MAML2: variants seen among roughly 807,000 people sequenced by gnomAD.
MAML2 encodes the protein mastermind like transcriptional coactivator 2.
In MAML2, 22 loss-of-function variants were observed where a neutral mutation model predicts 96.1. The ratio of observed to expected loss-of-function variants is 0.23; its 90% CI spans 0.16 to 0.33. The LOEUF (loss-of-function observed/expected upper bound fraction) is 0.33. MAML2 is among the 10% of genes least tolerant of loss of function. The pLI is 1.00. For missense variants in MAML2, 1,367 were observed against 1,392.4 expected, an observed-to-expected ratio of 0.98 and a Z score of 0.29; for synonymous variants, 561 against 521.3, an observed-to-expected ratio of 1.08 and a Z score of -1.04.
Position 96,233,019 on chromosome 11 carries a change from GAGA to G in MAML2, c.513+108361_513+108363del, listed in dbSNP as rs558445935. On this transcript the variant is annotated intron_variant, in intron 1 of 4. Coordinates refer to ENST00000524717, the MANE Select transcript of MAML2 (RefSeq NM_032427.4). The stretch of plus-strand genomic sequence containing the variant: ...ATATCCTATCATGTGTCTAGTTTGA[GAGA>G]AGGATATTAACACTCTAATTATTTG... 9.4e-4 allele frequency among the ~76,000 whole-genome samples: 143 copies of G among 152,348 alleles called. 2 individuals are homozygous for G. Among genetic ancestry groups the G allele is most frequent in the Admixed American group, 5.6e-3 (85 of 15,308 alleles).
chr11:95,986,462 A>T (rs1262642815), intron 3 of MAML2, among the ~76,000 whole-genome samples: 4 of 152,046 alleles, frequency 2.6e-5, no homozygotes, highest in Middle Eastern at 6.8e-3. Flanking sequence ...AGCCTCCCAG[A>T]GTGCTGGGAT....
intron 1 of MAML2, among the ~76,000 whole-genome samples, chr11:96,178,502 G>C (rs1861429601): frequency 1.3e-5 from 2 of 152,160 alleles, no homozygotes; most frequent in African/African-American, 4.8e-5. Context: ...TAGGTCACCA[G>C]CCACAGAGAA....
At chr11:96,023,688 T>C (rs577278951) in intron 2 of MAML2, among the ~76,000 whole-genome samples, 2 of 152,294 alleles carry the variant, frequency 1.3e-5, no homozygotes, top group African/African-American at 4.8e-5. Context: ...AGGGTGGCCA[T>C]TGATCACAAG....
At chr11:96,030,669 GT>G (rs566455188) in intron 2 of MAML2, among the ~76,000 whole-genome samples, 173 of 152,260 alleles carry the variant, frequency 1.1e-3, no homozygotes, top group African/African-American at 3.9e-3. Flanking sequence ...GATCATTCAG[GT>G]TTTACTGAGT....
At chr11:96,155,550 A>ATATG (rs1860999536) in intron 1 of MAML2, among the ~76,000 whole-genome samples, 1 of 128,322 alleles carries the variant, frequency 7.8e-6, no homozygotes, top group South Asian at 2.5e-4. Context: ...ATATATATAT[A>ATATG]TGAGGAAAGT....
At chr11:96,283,256 T>C (rs1863095571) in intron 1 of MAML2, among the ~76,000 whole-genome samples, 1 of 152,220 alleles carries the variant, frequency 6.6e-6, no homozygotes, top group South Asian at 2.1e-4. Context: ...ACACCAAAAA[T>C]GCAATTACAG....
chr11:96,176,049 G>C (rs1861383583), intron 1 of MAML2, among the ~76,000 whole-genome samples: 2 of 152,144 alleles, frequency 1.3e-5, no homozygotes, highest in African/African-American at 2.4e-5. Flanking sequence ...GCAATCACTG[G>C]AATTATCTCC....
intron 1 of MAML2, among the ~76,000 whole-genome samples, chr11:96,108,491 G>T (rs1860062892): frequency 1.3e-5 from 2 of 152,144 alleles, no homozygotes; most frequent in Non-Finnish European, 2.9e-5. Flanking sequence ...TACTAGTAGT[G>T]TGACCTTGGG....
rs181657370 is a variant in MAML2, at chr11:96,193,687, A to T, written c.514-100170T>A. Among the ~76,000 whole-genome samples, 634 of 152,194 alleles carry T rather than the reference A, an allele frequency of 4.2e-3. 12 individuals are homozygous for T. The highest frequency in any genetic ancestry group is 0.027 in the East Asian group (138 of 5,174). On this transcript the variant is annotated intron_variant, in intron 1 of 4. Coordinates refer to ENST00000524717, the MANE Select transcript of MAML2 (RefSeq NM_032427.4). The stretch of plus-strand genomic sequence containing the variant: ...TCTCCCGTGTAACAAAAAAAAAGGA[A>T]TTTTTTCTTTGAAGAGCAAGATGCT...
intron 1 of MAML2, among the ~76,000 whole-genome samples, chr11:96,237,207 T>C (rs1430472399): frequency 6.6e-6 from 1 of 152,206 alleles, no homozygotes; most frequent in Non-Finnish European, 1.5e-5. Flanking sequence ...TCTTGGCCAG[T>C]CAGTATTCTT....
At chr11:96,210,567 C>T (rs537722344) in intron 1 of MAML2, among the ~76,000 whole-genome samples, 2 of 152,286 alleles carry the variant, frequency 1.3e-5, no homozygotes, top group Non-Finnish European at 2.9e-5. Context: ...AGCTCTAAAA[C>T]TTGTTAAGTC....
At chr11:96,255,763 A>T (rs1317490349) in intron 1 of MAML2, among the ~76,000 whole-genome samples, 1 of 152,032 alleles carries the variant, frequency 6.6e-6, no homozygotes, top group Non-Finnish European at 1.5e-5. Context: ...GACAGAAAGA[A>T]CCTGGATCTG....
In MAML2 at chr11:96,027,790, G is replaced by A. The variant is rs949149724; in HGVS notation, c.2140-36067C>T. Among the ~76,000 whole-genome samples, 5 of 152,126 alleles carry A rather than the reference G, an allele frequency of 3.3e-5. No individual in the cohort carries two copies. In the East Asian group the frequency reaches 9.6e-4, roughly 29 times the overall value. ...TCTGCCACTCAGGCTGGAGTGCAGT[G>A]GCATGATCATGGCTTACTGTAGCCT... On this transcript the variant is annotated intron_variant, in intron 2 of 4. Coordinates refer to ENST00000524717, the MANE Select transcript of MAML2 (RefSeq NM_032427.4).
At chr11:95,993,882 G>A (rs554236506) in intron 2 of MAML2, among the ~76,000 whole-genome samples, 228 of 152,246 alleles carry the variant, frequency 1.5e-3, no homozygotes, top group Non-Finnish European at 2.5e-3. Flanking sequence ...TGCTTTACGT[G>A]ATTTATCTCA....
chr11:96,043,857 G>C (rs1858854221), intron 2 of MAML2, among the ~76,000 whole-genome samples: 1 of 152,240 alleles, frequency 6.6e-6, no homozygotes, highest in South Asian at 2.1e-4. Flanking sequence ...AAGAAAATAA[G>C]AATGCCTTCC....
intron 1 of MAML2, among the ~76,000 whole-genome samples, chr11:96,197,926 CA>C: frequency 6.6e-6 from 1 of 152,064 alleles, no homozygotes; most frequent in East Asian, 1.9e-4. Flanking sequence ...GAGGGAACAA[CA>C]TAATCAAAGT....
intron 1 of MAML2, among the ~76,000 whole-genome samples, chr11:96,169,628 G>A (rs1381410436): frequency 6.6e-6 from 1 of 151,352 alleles, no homozygotes; most frequent in East Asian, 1.9e-4. Flanking sequence ...GCAGAATGGG[G>A]TAAGAAAAGA....
At chr11:96,179,711 C>A (rs1251100785) in intron 1 of MAML2, among the ~76,000 whole-genome samples, 1 of 152,364 alleles carries the variant, frequency 6.6e-6, no homozygotes, top group South Asian at 2.1e-4. Flanking sequence ...CTAGGAGGGA[C>A]CTGGGAAGCC....
intron 1 of MAML2, among the ~76,000 whole-genome samples, chr11:96,094,097 C>A (rs1591009794): frequency 9.6e-6 from 1 of 103,702 alleles, no homozygotes; most frequent in East Asian, 1.9e-4. Context: ...ATCTACTTTT[C>A]TTCCTATAAT....
Sources: gnomAD v4.1 joint callset for allele counts (sites outside exome capture counted in the v4.1 genomes callset) on GRCh38, gnomAD v4.1.1 for gene constraint, MANE v1.5 for transcripts, NCBI Gene and HGNC (gene_info 2026-07-23, HGNC 2026-07-21) for gene names.